Variants in PSG6 observed in about 807,000 individuals in gnomAD.
PSG6 encodes the protein pregnancy-specific beta-1-glycoprotein 6.
Under a neutral mutation model 43.3 loss-of-function variants are expected in PSG6, and 51 were observed. That is an observed-to-expected ratio of 1.18 (90% CI 0.94 to 1.49). PSG6 has a LOEUF of 1.49. PSG6 is among the 40% of genes most tolerant of loss of function. The pLI is 0.00. For missense variants in PSG6, 770 were observed against 522.2 expected, an observed-to-expected ratio of 1.47 and a Z score of -4.62; for synonymous variants, 292 against 197.6, an observed-to-expected ratio of 1.48 and a Z score of -4.01.
At chr19:42,907,504 T>C in intron 4 of PSG6, 72 bp downstream of exon 4, 3 of 1,594,442 alleles carry the variant, frequency 1.9e-6, no homozygotes, top group Non-Finnish European at 2.6e-6. Flanking sequence ...GGAGAGAGAC[T>C]GAGAGGCCTG....
At chr19:42,910,066 A>G in intron 3 of PSG6, 1 of 196,304 alleles carries the variant, frequency 5.1e-6, no homozygotes, top group South Asian at 1.1e-4. Flanking sequence ...TCAATCAGCC[A>G]AGAATGCTCT....
In PSG6 at chr19:42,907,681, G is replaced by A. The variant is rs1449869892; in HGVS notation, c.880C>T (p.Leu294Phe). Reference sequence around the variant, plus strand: ...TTTCTCGTGACACTGGGTAGAATGAGTATCCTGTTTTCAATGGGTCGCTTT... The same window carrying A: ...TTTCTCGTGACACTGGGTAGAATGAATATCCTGTTTTCAATGGGTCGCTTT... ...RVKRPIENRILILPSVTRNET... is the reference protein window; with the variant it reads ...RVKRPIENRIFILPSVTRNET... The change falls in exon 4 of 6, where the codon CTC (leucine) becomes TTC (phenylalanine). Residue 294 changes from leucine (L) to phenylalanine (F), a missense_variant. Physicochemically the swap from Leu to Phe is conservative, Grantham distance 22. Coordinates refer to ENST00000187910, the MANE Select transcript of PSG6 (RefSeq NM_001031850.4). 1.2e-6 allele frequency: 2 copies of A among 1,610,902 alleles called. No homozygotes were observed. The highest frequency in any genetic ancestry group is 1.3e-5 in the African/African-American group (1 of 74,684).
At position 42,917,024 on chromosome 19, in the gene PSG6, A is replaced by C. The variant is rs141719679; in HGVS notation, c.65-537T>G. ...GTTGCACCCCAGTGCCTGGAACAGGATGCAGACTCCTGTAGATGTGAGAGT... is the reference window on the plus strand; with the variant it reads ...GTTGCACCCCAGTGCCTGGAACAGGCTGCAGACTCCTGTAGATGTGAGAGT... On this transcript the variant is annotated intron_variant, in intron 1 of 5. Coordinates refer to ENST00000187910, the MANE Select transcript of PSG6 (RefSeq NM_001031850.4). Among the ~76,000 whole-genome samples the C allele has an allele frequency of 7.4e-4, 112 of 151,600 alleles. 2 individuals are homozygous for C. The highest frequency in any genetic ancestry group is 1.7e-3 in the African/African-American group (70 of 41,292).
rs1364207091 is a variant in PSG6 at position 42,916,983 on chromosome 19, G to C, written c.65-496C>G. On this transcript the variant is annotated intron_variant, in intron 1 of 5. Coordinates refer to ENST00000187910, the MANE Select transcript of PSG6 (RefSeq NM_001031850.4). ...AGAGTGTGAGCTCTGTGAGGACAGA[G>C]ACTTTTGTCATGTTGGTTGCACCCC... Among the ~76,000 whole-genome samples, 7 of 151,496 alleles carry C rather than the reference G, an allele frequency of 4.6e-5. No homozygotes were observed. The East Asian group carries it at 1.4e-3, about 29-fold the overall frequency.
At chr19:42,905,724 A>G (rs558687038) in intron 5 of PSG6, among the ~76,000 whole-genome samples, 1 of 151,896 alleles carries the variant, frequency 6.6e-6, no homozygotes, top group East Asian at 1.9e-4. Context: ...ATACATTGAA[A>G]TGTTATTCAA....
chr19:42,902,515 C>G, intron 5 of PSG6, 69 bp from the exon 6 acceptor site: 1 of 1,584,564 alleles, frequency 6.3e-7, no homozygotes, highest in Non-Finnish European at 8.6e-7. Context: ...AAGCTTCTTT[C>G]CCACAGGCTC....
intron 2 of PSG6, chr19:42,915,802 C>T (rs1268357172): frequency 2.0e-6 from 1 of 495,870 alleles, no homozygotes; most frequent in African/African-American, 1.9e-5. Flanking sequence ...AAGCCCTACT[C>T]AGTTTTCCAG....
At chr19:42,917,582 C>T in intron 1 of PSG6, 147 bp downstream of exon 1, 1 of 1,292,148 alleles carries the variant, frequency 7.7e-7, no homozygotes, top group Non-Finnish European at 1.1e-6. Context: ...CCAGACTGAT[C>T]TTGAACTCCT....
Position 42,907,831 on chromosome 19 carries a change from T to C in PSG6, c.730A>G (p.Thr244Ala), listed in dbSNP as rs1308435943. ...LLPKLPMPYITINNLNPREKK... is the reference protein window; with the variant it reads ...LLPKLPMPYIAINNLNPREKK... ...TCCCTGGGGTTTAAGTTGTTGATGG[T>C]GATGTAAGGCATGGGCAGCTTCGCT... The change falls in exon 4 of 6, where the codon ACC becomes GCC. Residue 244 changes from threonine to alanine, a missense_variant. By Grantham distance (58) the Thr-to-Ala change is moderately conservative. Coordinates refer to ENST00000187910, the MANE Select transcript of PSG6 (RefSeq NM_001031850.4). The C allele has an allele frequency of 1.2e-6, 2 of 1,611,658 alleles. No individual in the cohort carries two copies. The highest frequency in any genetic ancestry group is 8.5e-7 in the Non-Finnish European group (1 of 1,179,064).
chr19:42,915,352 T>G (rs1972305127), intron 2 of PSG6: 1 of 151,862 alleles, frequency 6.6e-6, no homozygotes, highest in African/African-American at 2.4e-5. Flanking sequence ...TTATTATTAA[T>G]TTGCTTCCAT....
Position 42,916,045 on chromosome 19 carries a change from C to G in PSG6, c.427+80G>C. The G allele has an allele frequency of 1.9e-6, 3 of 1,593,010 alleles. No individual in the cohort carries two copies. In the Admixed American group the frequency reaches 5.0e-5, roughly 27 times the overall value. On this transcript the variant is annotated intron_variant, in intron 2 of 5. Transcript: ENST00000187910. ...ATGCAGAGAGTGACACAGGCAGAGT[C>G]CAGGCCTGACAATTCTGTGTGTGTG...
intron 2 of PSG6, among the ~76,000 whole-genome samples, chr19:42,913,284 G>T (rs1972262268): frequency 6.6e-6 from 1 of 151,462 alleles, no homozygotes; most frequent in African/African-American, 2.4e-5. Context: ...CCAAGTAGCT[G>T]GGACTACAGG....
intron 2 of PSG6, among the ~76,000 whole-genome samples, chr19:42,914,861 A>T (rs1345801711): frequency 1.6e-5 from 2 of 125,746 alleles, no homozygotes; most frequent in African/African-American, 7.3e-5. Context: ...TGACGGTGAC[A>T]TGGACACTTG....
chr19:42,910,758 G>A lies in PSG6; in HGVS notation c.528C>T (p.Ser176=), dbSNP rs371510673. 627 of 1,612,398 alleles carry A rather than the reference G, an allele frequency of 3.9e-4. 26 individuals are homozygous for A. Among genetic ancestry groups the A allele is most frequent in the South Asian group, 3.2e-3 (286 of 90,614 alleles). The change falls in exon 3 of 6, where the codon AGC becomes AGT. Residue 176 remains serine, a synonymous_variant. Transcript: ENST00000187910. ...LICDPETPDA[S]YLWLLNGQNL... is the part of the protein sequence containing the mutation. ...TCTGACCATTCAGCAACCACAGGTAGCTTGCATCCGGAGTCTCAGGATCAC... is the reference window on the plus strand; with the variant it reads ...TCTGACCATTCAGCAACCACAGGTAACTTGCATCCGGAGTCTCAGGATCAC...
chr19:42,910,766 C>G lies in PSG6; in HGVS notation c.520G>C (p.Asp174His). Residue 174 changes from aspartate to histidine, a missense_variant, in exon 3 of 6, where the codon GAT becomes CAT. By Grantham distance (81) the Asp-to-His change is moderately conservative (BLOSUM62 -1). Coordinates refer to ENST00000187910, the MANE Select transcript of PSG6 (RefSeq NM_001031850.4). ...VRLICDPETP[D>H]ASYLWLLNGQ... ...TTCAGCAACCACAGGTAGCTTGCATCCGGAGTCTCAGGATCACAGATTAAG... is the reference window on the plus strand; with the variant it reads ...TTCAGCAACCACAGGTAGCTTGCATGCGGAGTCTCAGGATCACAGATTAAG... The G allele has an allele frequency of 6.2e-7, 1 of 1,612,340 alleles. No individual in the cohort carries two copies.
At chr19:42,910,200 G>A in intron 3 of PSG6, 1 of 384,382 alleles carries the variant, frequency 2.6e-6, no homozygotes, top group Non-Finnish European at 4.9e-6. Flanking sequence ...AATGTCACAG[G>A]CGATATTGTC....
intron 5 of PSG6, among the ~76,000 whole-genome samples, chr19:42,906,234 C>A (rs1308028883): frequency 6.6e-6 from 1 of 151,584 alleles, no homozygotes; most frequent in East Asian, 1.9e-4. Flanking sequence ...CTGGTGACTT[C>A]AGAGCCAGGA....
At chr19:42,902,490 C>T (rs776544800) in intron 5 of PSG6, 44 bp from the exon 6 acceptor site, 4 of 1,604,376 alleles carry the variant, frequency 2.5e-6, no homozygotes, top group East Asian at 2.2e-5. Flanking sequence ...AAATTCACTA[C>T]CTCCTTTACA....
chr19:42,912,217 T>G (rs1568445947), intron 2 of PSG6, among the ~76,000 whole-genome samples: 1 of 151,630 alleles, frequency 6.6e-6, no homozygotes, highest in African/African-American at 2.4e-5. Flanking sequence ...ATTTCTGGAT[T>G]TCCGATGCTC....
Sources: gnomAD v4.1 joint callset for allele counts (sites outside exome capture counted in the v4.1 genomes callset) on GRCh38, gnomAD v4.1.1 for gene constraint, MANE v1.5 for transcripts, NCBI Gene and HGNC (gene_info 2026-07-23, HGNC 2026-07-21) for gene names.